The following DCHS2 variants were observed in gnomAD, a reference collection of about 807,000 sequenced individuals.
The protein encoded by DCHS2 is protocadherin-23.
DCHS2 carries 142 observed loss-of-function variants against 182.4 expected under a neutral mutation model. The observed-to-expected ratio is 0.78, with a 90% CI of 0.68 to 0.89. DCHS2 has a LOEUF of 0.89. Among genes scored for constraint, DCHS2 ranks in the 40% least tolerant of loss-of-function variants. The pLI is 0.00. For synonymous variants in DCHS2, 1,740 were observed against 1,663.3 expected, an observed-to-expected ratio of 1.05 and a Z score of -1.12; for missense variants, 4,319 against 4,198.6, an observed-to-expected ratio of 1.03 and a Z score of -0.79.
At chr4:154,385,002 C>A (rs997269001) in intron 1 of DCHS2, among the ~76,000 whole-genome samples, 1 of 151,734 alleles carries the variant, frequency 6.6e-6, no homozygotes, top group Non-Finnish European at 1.5e-5. Context: ...TATACATGTG[C>A]CATGTTGGTG....
chr4:154,401,538 T>C (rs1186570392), intron 1 of DCHS2, among the ~76,000 whole-genome samples: 1 of 152,252 alleles, frequency 6.6e-6, no homozygotes, highest in African/African-American at 2.4e-5. Flanking sequence ...TCTTCCAATA[T>C]GTAGCAGGCC....
Position 154,490,111 on chromosome 4 carries a change from C to A in DCHS2, c.1245G>T (p.Val415=), listed in dbSNP as rs1728747208. 6 of 1,548,546 alleles carry A rather than the reference C, an allele frequency of 3.9e-6. No homozygotes were observed. In the African/African-American group the frequency reaches 8.2e-5, roughly 21 times the overall value. ...CGACGCCTCCCTCTGTGAGAAAGAG[C>A]ACGTGAATTGCTGGCCGGTTGTCAT... ...DVNDNRPAIH[V]LFLTEGGVAR... The change falls in exon 1 of 20, where the codon GTG becomes GTT. Residue 415 remains valine, a synonymous_variant. Coordinates refer to ENST00000357232, the MANE Select transcript of DCHS2 (RefSeq NM_001358235.2).
chr4:154,243,908 C>T (rs972794311), intron 16 of DCHS2, among the ~76,000 whole-genome samples: 2 of 152,130 alleles, frequency 1.3e-5, no homozygotes, highest in East Asian at 1.9e-4. Context: ...GAAAACCTGA[C>T]CTCCCTATTT....
intron 13 of DCHS2, among the ~76,000 whole-genome samples, chr4:154,286,848 T>C (rs1734427579): frequency 6.6e-6 from 1 of 151,928 alleles, no homozygotes; most frequent in African/African-American, 2.4e-5. Flanking sequence ...TACCAATATA[T>C]AAGTATAAGA....
intron 3 of DCHS2, among the ~76,000 whole-genome samples, chr4:154,353,696 G>T (rs1017869919): frequency 1.6e-4 from 24 of 152,146 alleles, no homozygotes; most frequent in African/African-American, 5.5e-4. Flanking sequence ...AGACTTCTAA[G>T]CATTCCTCTA....
At chr4:154,302,560 G>T (rs751677066) in intron 12 of DCHS2, among the ~76,000 whole-genome samples, 2 of 152,002 alleles carry the variant, frequency 1.3e-5, no homozygotes, top group Non-Finnish European at 2.9e-5. Context: ...CTTTTTAGCC[G>T]ATTTCCTGGG....
intron 7 of DCHS2, among the ~76,000 whole-genome samples, chr4:154,326,950 A>AAT (rs1736309084): frequency 6.6e-6 from 1 of 152,192 alleles, no homozygotes; most frequent in Non-Finnish European, 1.5e-5. Flanking sequence ...ATACTGAATT[A>AAT]ATAATGATAT....
At chr4:154,412,432 A>T (rs1324689335) in intron 1 of DCHS2, among the ~76,000 whole-genome samples, 2 of 152,166 alleles carry the variant, frequency 1.3e-5, no homozygotes, top group African/African-American at 4.8e-5. Flanking sequence ...GGAATTCCAG[A>T]AAAAGAGGAA....
At chr4:154,274,860 T>G (rs1733763933) in intron 13 of DCHS2, among the ~76,000 whole-genome samples, 1 of 151,894 alleles carries the variant, frequency 6.6e-6, no homozygotes, top group Admixed American at 6.6e-5. Context: ...TAATACCATA[T>G]CTGATAGTGA....
At chr4:154,255,447 T>A (rs544917199) in intron 16 of DCHS2, 72 bp downstream of exon 16, 1 of 1,514,980 alleles carries the variant, frequency 6.6e-7, no homozygotes, top group Admixed American at 2.1e-5. Context: ...CAGGAAGTTA[T>A]GAACAAAACA....
At chr4:154,293,431 C>T (rs765000340) in intron 13 of DCHS2, among the ~76,000 whole-genome samples, 2 of 152,112 alleles carry the variant, frequency 1.3e-5, no homozygotes, top group Non-Finnish European at 2.9e-5. Flanking sequence ...ATCCACCCAC[C>T]CCGGCTTCCC....
intron 1 of DCHS2, among the ~76,000 whole-genome samples, chr4:154,482,402 C>A (rs909584170): frequency 6.6e-6 from 1 of 152,046 alleles, no homozygotes. Context: ...GCTCAAGAAC[C>A]AAAACAGAGT....
chr4:154,364,078 A>G (rs1457809695), intron 3 of DCHS2, among the ~76,000 whole-genome samples: 1 of 152,234 alleles, frequency 6.6e-6, no homozygotes, highest in East Asian at 1.9e-4. Flanking sequence ...AAAACCGCCA[A>G]CAATAAGAAC....
intron 1 of DCHS2, among the ~76,000 whole-genome samples, chr4:154,438,407 C>T (rs1033349491): frequency 2.4e-4 from 37 of 152,164 alleles, no homozygotes; most frequent in Admixed American, 2.4e-3. Flanking sequence ...GCCAACAGTT[C>T]GCTATTTTCA....
At chr4:154,374,196 G>C (rs144133361) in intron 2 of DCHS2, 61 of 486,296 alleles carry the variant, frequency 1.3e-4, no homozygotes, top group African/African-American at 1.1e-3. Context: ...CTGATGGACA[G>C]CAGTTCTACG....
intron 3 of DCHS2, chr4:154,343,585 T>A: frequency 2.0e-6 from 3 of 1,533,408 alleles, no homozygotes; most frequent in South Asian, 1.2e-5. Context: ...TTAAACCTCA[T>A]GAACCAACCT....
chr4:154,285,056 G>T (rs1578911596), intron 13 of DCHS2, among the ~76,000 whole-genome samples: 1 of 152,190 alleles, frequency 6.6e-6, no homozygotes, highest in South Asian at 2.1e-4. Context: ...GTATGATAGG[G>T]CATTAGGCAG....
chr4:154,396,646 C>T (rs1731939920), intron 1 of DCHS2, among the ~76,000 whole-genome samples: 2 of 152,100 alleles, frequency 1.3e-5, no homozygotes, highest in Non-Finnish European at 2.9e-5. Flanking sequence ...TTTTGCAATG[C>T]CTGTTCCTGC....
chr4:154,452,448 A>T (rs1393372427), intron 1 of DCHS2, among the ~76,000 whole-genome samples: 1 of 151,924 alleles, frequency 6.6e-6, no homozygotes, highest in Non-Finnish European at 1.5e-5. Flanking sequence ...ACATGGTGAA[A>T]CCTCGTCTCT....
Sources: allele counts gnomAD v4.1 joint callset (sites outside exome capture counted in the v4.1 genomes callset), GRCh38; gene constraint gnomAD v4.1.1; transcripts MANE v1.5; gene names NCBI Gene and HGNC (gene_info 2026-07-23, HGNC 2026-07-21).